The following BEND4 variants were observed in gnomAD, a reference collection of about 807,000 sequenced individuals.
BEND4 encodes BEN domain-containing protein 4.
Under a neutral mutation model 54.7 loss-of-function variants are expected in BEND4, and 27 were observed. The observed-to-expected ratio is 0.49, with a 90% CI of 0.36 to 0.68. The LOEUF (loss-of-function observed/expected upper bound fraction) is 0.68, where lower values mean the gene tolerates loss of function less well. BEND4 is among the 30% of genes least tolerant of loss of function. The pLI is 0.00. For synonymous variants in BEND4, 327 were observed against 299.5 expected, an observed-to-expected ratio of 1.09 and a Z score of -0.95; for missense variants, 702 against 697.2, an observed-to-expected ratio of 1.01 and a Z score of -0.08.
intron 3 of BEND4, 41 bp from the exon 4 acceptor site, chr4:42,125,715 C>CAT: frequency 7.8e-7 from 1 of 1,288,018 alleles, no homozygotes; most frequent in Non-Finnish European, 1.1e-6. Flanking sequence ...TTGGCTATCC[C>CAT]GTAACATGAA....
chr4:42,125,908 A>G (rs1008447336), intron 3 of BEND4, among the ~76,000 whole-genome samples: 16 of 151,928 alleles, frequency 1.1e-4, no homozygotes, highest in Non-Finnish European at 1.2e-4. Context: ...CCAGCTAATT[A>G]TGTTAATTTT....
intron 2 of BEND4, among the ~76,000 whole-genome samples, chr4:42,149,564 A>G (rs1721189901): frequency 6.6e-6 from 1 of 152,210 alleles, no homozygotes; most frequent in Admixed American, 6.5e-5. Flanking sequence ...TGAGAATAAA[A>G]GGAAATATGG....
chr4:42,151,552 G>T, intron 2 of BEND4, 105 bp downstream of exon 2: 2 of 1,185,362 alleles, frequency 1.7e-6, no homozygotes, highest in Non-Finnish European at 2.2e-6. Flanking sequence ...ATCCCGACAC[G>T]GCCCAGCACG....
intron 1 of BEND4, 33 bp from the exon 2 acceptor site, chr4:42,152,409 T>C (rs1218780472): frequency 4.3e-6 from 1 of 233,820 alleles, no homozygotes; most frequent in Non-Finnish European, 8.3e-6. Context: ...GAGCAAGTGT[T>C]TAGGGTAATA....
In BEND4 at chr4:42,152,314, G is replaced by C. The variant is rs1313886303; in HGVS notation, c.-171C>G. 3 of 537,210 alleles carry C rather than the reference G, an allele frequency of 5.6e-6. No homozygotes were observed. The allele number at this position is 537,210 out of a possible 1,614,324, so 33.3% of individuals were successfully genotyped here. A position where few individuals can be genotyped will look rare whatever the true frequency, so the allele number is the denominator to read the frequency against. ...GCCGCCTGTCGCTGAGGCTGGCATC[G>C]CCGAGCCCCCGCGCGGGGGGCTGCC... is the stretch of plus-strand genomic sequence containing the variant. On this transcript the variant is annotated 5_prime_UTR_variant, in exon 2 of 6. Transcript: ENST00000502486.
At chr4:42,127,733 C>T (rs1720341639) in intron 3 of BEND4, among the ~76,000 whole-genome samples, 5 of 152,182 alleles carry the variant, frequency 3.3e-5, no homozygotes, top group African/African-American at 1.2e-4. Context: ...TGCAAGGGTA[C>T]ATATGTCACT....
chr4:42,146,643 T>C (rs1721091830), intron 2 of BEND4, among the ~76,000 whole-genome samples: 1 of 152,336 alleles, frequency 6.6e-6, no homozygotes, highest in East Asian at 1.9e-4. Context: ...ATGATATTGA[T>C]TGGGAATTTT....
chr4:42,123,694 G>GAAAAAAAAAACAAA (rs1720147616), intron 4 of BEND4, among the ~76,000 whole-genome samples: 13 of 50,788 alleles, frequency 2.6e-4, no homozygotes, highest in African/African-American at 9.8e-4. Context: ...CTGTAATTCA[G>GAAAAAAAAAACAAA]AAAAAAAAAA....
chr4:42,138,840 A>G (rs1268353423), intron 3 of BEND4, among the ~76,000 whole-genome samples: 1 of 152,200 alleles, frequency 6.6e-6, no homozygotes, highest in Non-Finnish European at 1.5e-5. Flanking sequence ...TTATGATTCT[A>G]AGACCCAGAG....
chr4:42,143,914 C>T lies in BEND4; in HGVS notation c.568G>A (p.Asp190Asn), dbSNP rs1720986263. The part of the protein sequence containing the change: ...SLLNCGGKLL[D>N]SNHSQSMISC... Reference sequence around the variant, plus strand: ...ATCATGGACTGAGAATGGTTGGAGTCCAGGAGTTTTCCTCCACAATTTAAG... The same window carrying T: ...ATCATGGACTGAGAATGGTTGGAGTTCAGGAGTTTTCCTCCACAATTTAAG... The change falls in exon 3 of 6, where the codon GAC becomes AAC. Residue 190 changes from aspartate (D) to asparagine (N), a missense_variant. Transcript: ENST00000502486. 1 of 1,537,792 alleles carries T rather than the reference C, an allele frequency of 6.5e-7. No individual in the cohort carries two copies. Among genetic ancestry groups the T allele is most frequent in the African/African-American group, 1.4e-5 (1 of 72,270 alleles).
rs765206936 is a variant in BEND4, at chr4:42,151,752, G to A, written c.392C>T (p.Ser131Leu). 2.3e-5 allele frequency: 34 copies of A among 1,500,460 alleles called. No individual in the cohort carries two copies. In the South Asian group the frequency reaches 4.0e-4, roughly 18 times the overall value. 92.9% of individuals were successfully genotyped at this position (1,500,460 alleles called of 1,614,324 possible). ...GCCATACCTGACGACAGCGGCGAAC[G>A]AAGACGACGAGGAGGCGGCGGGGGA... ...PASPAASSSS[S>L]FAAVVRYGPG... Residue 131 changes from serine to leucine, a missense_variant, in exon 2 of 6, where the codon TCG (serine) becomes TTG (leucine). Ser to Leu is a moderately radical substitution (Grantham distance 145). Transcript: ENST00000502486.
At chr4:42,125,715 C>T (rs148177385) in intron 3 of BEND4, 41 bp from the exon 4 acceptor site, 21 of 1,288,016 alleles carry the variant, frequency 1.6e-5, no homozygotes, top group Middle Eastern at 3.8e-4. Flanking sequence ...TTGGCTATCC[C>T]GTAACATGAA....
rs376680057 is a variant in BEND4, at chr4:42,143,577, T to C, written c.905A>G (p.His302Arg). The stretch of plus-strand genomic sequence containing the variant: ...CAGTGTAGATGAAGATGGGTGGCCA[T>C]GGGATTCGGACGTTGCTGGGGAAGT... ...GWTSPATSES[H>R]GHPSSSTLPE... The change falls in exon 3 of 6, where the codon CAT becomes CGT. Residue 302 changes from histidine to arginine, a missense_variant. Physicochemically the swap from His to Arg is conservative, Grantham distance 29. Transcript: ENST00000502486. The C allele has an allele frequency of 6.4e-6, 10 of 1,574,756 alleles. No individual in the cohort carries two copies. Among genetic ancestry groups the C allele is most frequent in the African/African-American group, 4.1e-5 (3 of 73,866 alleles).
chr4:42,150,949 T>TCC (rs1328083370), intron 2 of BEND4: 1 of 151,658 alleles, frequency 6.6e-6, no homozygotes, highest in African/African-American at 2.4e-5. Flanking sequence ...TGCCTGCGAC[T>TCC]CCCGGGGCAG....
At chr4:42,147,699 T>A (rs565368717) in intron 2 of BEND4, among the ~76,000 whole-genome samples, 2 of 152,266 alleles carry the variant, frequency 1.3e-5, no homozygotes, top group East Asian at 3.9e-4. Context: ...GGAGATAATA[T>A]TATGCTGCAA....
intron 3 of BEND4, among the ~76,000 whole-genome samples, chr4:42,131,971 C>T (rs1203350303): frequency 6.6e-6 from 1 of 151,980 alleles, no homozygotes; most frequent in African/African-American, 2.4e-5. Flanking sequence ...GGATAGATGC[C>T]TAGATTTACA....
Position 42,143,658 on chromosome 4 carries a change from T to C in BEND4, c.824A>G (p.His275Arg). Residue 275 changes from histidine (H) to arginine (R), a missense_variant, in exon 3 of 6, where the codon CAT becomes CGT. Coordinates refer to ENST00000502486, the MANE Select transcript of BEND4 (RefSeq NM_207406.4). ...PNPSSASEYG[H>R]LADVDPLSTS... ...TGACAGAGGATCCACGTCGGCCAGA[T>C]GGCCATATTCACTGGCTGACGAGGG... 1 of 1,614,014 alleles carries C rather than the reference T, an allele frequency of 6.2e-7. No individual in the cohort carries two copies. Among genetic ancestry groups the C allele is most frequent in the Non-Finnish European group, 8.5e-7 (1 of 1,179,890 alleles).
Position 42,111,784 on chromosome 4 carries a change from T to C in BEND4, c.*5734A>G, listed in dbSNP as rs1719580818. 1 of 152,230 alleles carries C rather than the reference T, an allele frequency of 6.6e-6. No homozygotes were observed. Among genetic ancestry groups the C allele is most frequent in the Middle Eastern group, 3.2e-3 (1 of 316 alleles). The allele number at this position is 152,230 out of a possible 1,614,324, so 9.4% of individuals were successfully genotyped here. A position where few individuals can be genotyped will look rare whatever the true frequency, so the allele number is the denominator to read the frequency against. On this transcript the variant is annotated 3_prime_UTR_variant, in exon 6 of 6. Coordinates refer to ENST00000502486, the MANE Select transcript of BEND4 (RefSeq NM_207406.4). Reference sequence around the variant, plus strand: ...CTACCTGATGCCCCGGTGCTATTTCTAACATCTAGGAGTTCCCAAAGACTC... The same window carrying C: ...CTACCTGATGCCCCGGTGCTATTTCCAACATCTAGGAGTTCCCAAAGACTC...
intron 3 of BEND4, among the ~76,000 whole-genome samples, chr4:42,139,831 G>C (rs770910252): frequency 1.3e-5 from 2 of 152,182 alleles, no homozygotes; most frequent in African/African-American, 2.4e-5. Context: ...CCACAGAAAT[G>C]TACTAGCCTC....
Sources: allele counts gnomAD v4.1 joint callset (sites outside exome capture counted in the v4.1 genomes callset), GRCh38; gene constraint gnomAD v4.1.1; transcripts MANE v1.5; gene names NCBI Gene and HGNC (gene_info 2026-07-23, HGNC 2026-07-21).